RGS6: variants seen among roughly 807,000 people sequenced by gnomAD.
The protein encoded by RGS6 is regulator of G protein signaling 6.
A neutral mutation model predicts 78.5 loss-of-function variants in RGS6; 30 were observed. The ratio of observed to expected loss-of-function variants is 0.38; its 90% CI spans 0.29 to 0.52. The LOEUF (loss-of-function observed/expected upper bound fraction) is 0.52, where lower values mean the gene tolerates loss of function less well. Among genes scored for constraint, RGS6 ranks in the 20% least tolerant of loss-of-function variants. The pLI is 0.85. For missense variants in RGS6, 495 were observed against 609.7 expected, an observed-to-expected ratio of 0.81 and a Z score of 1.98; for synonymous variants, 206 against 206.0, an observed-to-expected ratio of 1.00 and a Z score of 0.00.
At chr14:72,030,628 G>A (rs2090705597) in intron 2 of RGS6, among the ~76,000 whole-genome samples, 1 of 148,578 alleles carries the variant, frequency 6.7e-6, no homozygotes, top group Non-Finnish European at 1.5e-5. Flanking sequence ...ACCTGGAGAG[G>A]CCTTTCAGCC....
intron 2 of RGS6, among the ~76,000 whole-genome samples, chr14:72,188,806 G>C (rs935608467): frequency 2.0e-5 from 3 of 152,118 alleles, no homozygotes; most frequent in African/African-American, 2.4e-5. Context: ...CATTGCTCAC[G>C]ACACCAATGT....
chr14:72,561,549 C>T lies in RGS6; in HGVS notation c.1423-868C>T, dbSNP rs767844999. On this transcript the variant is annotated intron_variant, in intron 17 of 17. Coordinates refer to ENST00000553525, the MANE Select transcript of RGS6 (RefSeq NM_001204424.2). ...GAGCCTCGCTCGTGCCCCTCACCCT[C>T]CTCCTGGTGCCCAGTCGCAACTCCC... 4.5e-4 allele frequency among the ~76,000 whole-genome samples: 69 copies of T among 152,356 alleles called. 1 individual carries two copies. The highest frequency in any genetic ancestry group is 7.8e-4 in the Admixed American group (12 of 15,310).
At chr14:72,197,732 G>A (rs2040527734) in intron 2 of RGS6, among the ~76,000 whole-genome samples, 1 of 152,044 alleles carries the variant, frequency 6.6e-6, no homozygotes, top group Non-Finnish European at 1.5e-5. Context: ...TCAGCTGGAG[G>A]TCAGCTGGTG....
chr14:72,327,885 T>A, intron 2 of RGS6, among the ~76,000 whole-genome samples: 1 of 152,074 alleles, frequency 6.6e-6, no homozygotes, highest in South Asian at 2.1e-4. Flanking sequence ...AGGATTTACG[T>A]TATATATAAC....
intron 2 of RGS6, among the ~76,000 whole-genome samples, chr14:71,970,021 G>T (rs2093713182): frequency 6.6e-6 from 1 of 152,110 alleles, no homozygotes. Context: ...AGAATAAAAA[G>T]CTTTAATTGT....
chr14:72,021,464 CTTTTTTTT>C (rs533727083), intron 2 of RGS6, among the ~76,000 whole-genome samples: 7 of 122,424 alleles, frequency 5.7e-5, no homozygotes, highest in Admixed American at 1.8e-4. Context: ...CTTTTTCTAA[CTTTTTTTT>C]TTTTTTTTTT....
chr14:72,259,324 T>C (rs967290126), intron 2 of RGS6, among the ~76,000 whole-genome samples: 2 of 152,220 alleles, frequency 1.3e-5, no homozygotes, highest in African/African-American at 4.8e-5. Flanking sequence ...AGCTTTTTTT[T>C]AATGTAGCAA....
At chr14:72,170,854 C>A (rs2097003409) in intron 2 of RGS6, among the ~76,000 whole-genome samples, 1 of 152,124 alleles carries the variant, frequency 6.6e-6, no homozygotes, top group South Asian at 2.1e-4. Flanking sequence ...CCCTATGGAT[C>A]TGGAGATACA....
At chr14:72,380,750 G>C (rs1183270357) in intron 3 of RGS6, among the ~76,000 whole-genome samples, 3 of 152,116 alleles carry the variant, frequency 2.0e-5, no homozygotes, top group Middle Eastern at 6.8e-3. Flanking sequence ...CCACTATGGA[G>C]AACAGTATGG....
intron 2 of RGS6, among the ~76,000 whole-genome samples, chr14:72,093,282 CCCAGG>C (rs1209573916): frequency 3.9e-5 from 6 of 152,138 alleles, no homozygotes; most frequent in Non-Finnish European, 5.9e-5. Flanking sequence ...CACTCTGTCA[CCCAGG>C]CTGGAATGCA....
intron 1 of RGS6, among the ~76,000 whole-genome samples, chr14:71,947,586 G>C (rs1047479273): frequency 2.6e-5 from 4 of 152,174 alleles, no homozygotes; most frequent in African/African-American, 7.2e-5. Flanking sequence ...CCAGACTCAA[G>C]TGATCCTCCC....
chr14:72,414,677 C>T (rs547447569), intron 3 of RGS6, among the ~76,000 whole-genome samples: 18 of 152,158 alleles, frequency 1.2e-4, no homozygotes, highest in Non-Finnish European at 2.2e-4. Flanking sequence ...TCTTTTTTTC[C>T]CCCATCTTTG....
chr14:72,540,675 GC>G, intron 17 of RGS6: 1 of 1,380,972 alleles, frequency 7.2e-7, no homozygotes, highest in Non-Finnish European at 9.6e-7. Context: ...GTCCCTTCCA[GC>G]CCCCATCAGC....
At chr14:72,026,149 G>A (rs1417174189) in intron 2 of RGS6, among the ~76,000 whole-genome samples, 1 of 152,166 alleles carries the variant, frequency 6.6e-6, no homozygotes, top group Admixed American at 6.6e-5. Context: ...GCTCACACCT[G>A]TAATCCCAGC....
chr14:72,339,805 A>C (rs1353537260), intron 2 of RGS6, among the ~76,000 whole-genome samples: 1 of 152,166 alleles, frequency 6.6e-6, no homozygotes, highest in Non-Finnish European at 1.5e-5. Context: ...TGAGACATGA[A>C]ACCAAAAAAG....
chr14:72,200,256 C>A (rs1343782279), intron 2 of RGS6, among the ~76,000 whole-genome samples: 1 of 152,180 alleles, frequency 6.6e-6, no homozygotes, highest in Non-Finnish European at 1.5e-5. Context: ...AGGAGCCCCA[C>A]CTGCCAGAGC....
intron 2 of RGS6, among the ~76,000 whole-genome samples, chr14:72,050,712 A>T (rs1190411228): frequency 6.6e-6 from 1 of 152,208 alleles, no homozygotes; most frequent in African/African-American, 2.4e-5. Context: ...ACGGGTTTGA[A>T]TTCAGGAGTC....
At chr14:71,984,472 C>G (rs991007791) in intron 2 of RGS6, among the ~76,000 whole-genome samples, 3 of 5,810 alleles carry the variant, frequency 5.2e-4, no homozygotes, top group African/African-American at 4.5e-3. Context: ...TAGTGAGACC[C>G]TGTCTCAAAA....
intron 16 of RGS6, among the ~76,000 whole-genome samples, chr14:72,538,876 C>G (rs2097284297): frequency 6.6e-6 from 1 of 152,260 alleles, no homozygotes; most frequent in Non-Finnish European, 1.5e-5. Flanking sequence ...CCAACTTCAT[C>G]CACACAGGCG....
Sources: allele counts gnomAD v4.1 joint callset (sites outside exome capture counted in the v4.1 genomes callset), GRCh38; gene constraint gnomAD v4.1.1; transcripts MANE v1.5; gene names NCBI Gene and HGNC (gene_info 2026-07-23, HGNC 2026-07-21).